The following ATR variants were observed in gnomAD, a reference collection of about 807,000 sequenced individuals.
ATR encodes ATR checkpoint kinase, also known as serine/threonine-protein kinase ATR.
Under a neutral mutation model 305.3 loss-of-function variants are expected in ATR, and 142 were observed. The observed-to-expected ratio is 0.47, with a 90% CI of 0.41 to 0.53. The LOEUF (loss-of-function observed/expected upper bound fraction) is 0.53, where lower values mean the gene tolerates loss of function less well. ATR is among the 20% of genes least tolerant of loss of function. The probability of loss-of-function intolerance (pLI) is 0.00; values close to 1 mark genes in which losing one functional copy is unlikely to be tolerated. For synonymous variants in ATR, 1,050 were observed against 1,068.1 expected (o/e 0.98, Z 0.33); for missense variants, 2,135 against 3,133.1 (o/e 0.68, Z 7.60).
chr3:142,475,098 T>C (rs546659294), intron 36 of ATR, among the ~76,000 whole-genome samples: 2 of 152,194 alleles, frequency 1.3e-5, no homozygotes, highest in East Asian at 3.8e-4. Flanking sequence ...ATGTTTTATA[T>C]ATATATGTTT....
chr3:142,547,935 A>T, intron 15 of ATR, 25 bp from the exon 16 acceptor site: 2 of 1,611,076 alleles, frequency 1.2e-6, no homozygotes, highest in South Asian at 2.2e-5. Flanking sequence ...TGTTAAAAAA[A>T]ATTTTTTTCT....
At chr3:142,503,507 G>T in intron 29 of ATR, 54 bp from the exon 30 acceptor site, 1 of 1,188,550 alleles carries the variant, frequency 8.4e-7, no homozygotes, top group Non-Finnish European at 1.2e-6. Flanking sequence ...AATAGCTTGG[G>T]GACCAAAAAC....
intron 43 of ATR, 45 bp downstream of exon 43, chr3:142,459,182 A>C (rs1315459665): frequency 6.2e-7 from 1 of 1,612,656 alleles, no homozygotes; most frequent in Non-Finnish European, 8.5e-7. Flanking sequence ...AATATTAAAA[A>C]TAAACATTCA....
intron 36 of ATR, among the ~76,000 whole-genome samples, chr3:142,478,435 T>C (rs965745759): frequency 5.9e-5 from 9 of 152,252 alleles, no homozygotes; most frequent in African/African-American, 2.2e-4. Context: ...TCTAGTTTGA[T>C]TGCACTGTGG....
chr3:142,527,415 T>A (rs2033441454), intron 21 of ATR, among the ~76,000 whole-genome samples: 1 of 152,144 alleles, frequency 6.6e-6, no homozygotes, highest in African/African-American at 2.4e-5. Flanking sequence ...CTTTTAAGCT[T>A]TCTATTTCAG....
At chr3:142,565,734 A>T (rs1456325138) in intron 3 of ATR, among the ~76,000 whole-genome samples, 9 of 42,256 alleles carry the variant, frequency 2.1e-4, no homozygotes, top group East Asian at 6.2e-4. Context: ...TGTCTTATTT[A>T]AAAAAAAAAA....
intron 35 of ATR, among the ~76,000 whole-genome samples, chr3:142,489,069 C>T (rs2108318553): frequency 6.6e-6 from 1 of 152,230 alleles, no homozygotes; most frequent in East Asian, 1.9e-4. Context: ...TACATGGTGG[C>T]TCACAACTAT....
At chr3:142,513,472 C>T (rs757325510) in intron 26 of ATR, 29 bp downstream of exon 26, 4 of 1,611,564 alleles carry the variant, frequency 2.5e-6, no homozygotes, top group South Asian at 1.1e-5. Flanking sequence ...TTCACATGTT[C>T]AAAAACCAAG....
At chr3:142,497,573 T>TAATAAATAAATAAATAAATAAATA (rs35792072) in intron 32 of ATR, among the ~76,000 whole-genome samples, 5 of 148,948 alleles carry the variant, frequency 3.4e-5, no homozygotes, top group African/African-American at 1.2e-4. Context: ...TCCCTTAAAA[T>TAATAAATAAATAAATAAATAAATA]AATAAATAAA....
At chr3:142,482,835 A>C (rs1351696656) in intron 36 of ATR, among the ~76,000 whole-genome samples, 1 of 142,904 alleles carries the variant, frequency 7.0e-6, no homozygotes, top group Admixed American at 7.0e-5. Flanking sequence ...TTGTCAATTA[A>C]AAAAAAAAAA....
chr3:142,566,308 T>C (rs1398667196), intron 2 of ATR, 47 bp from the exon 3 acceptor site: 1 of 1,596,262 alleles, frequency 6.3e-7, no homozygotes, highest in African/African-American at 1.3e-5. Context: ...AATTAAACAA[T>C]GGTCCTTTTG....
rs1455123206 is a variant in ATR, at chr3:142,550,282, G to A, written c.2826C>T (p.His942=). The change falls in exon 14 of 47, where the codon CAC becomes CAT. Residue 942 remains histidine (H), a synonymous_variant. Coordinates refer to ENST00000350721, the MANE Select transcript of ATR (RefSeq NM_001184.4). ...PICQFLVESL[H]SSQMTALPNT... is the part of the protein sequence containing the mutation. ...TCGGAAGTGCTGTCATCTGACTAGAGTGAAGGGATTCTACCAAAAACTAGA... is the reference window on the plus strand; with the variant it reads ...TCGGAAGTGCTGTCATCTGACTAGAATGAAGGGATTCTACCAAAAACTAGA... The A allele has an allele frequency of 1.2e-6, 2 of 1,614,148 alleles. No individual in the cohort carries two copies. The highest frequency in any genetic ancestry group is 1.1e-5 in the South Asian group (1 of 91,084).
At chr3:142,516,098 T>C (rs1175503311) in intron 24 of ATR, among the ~76,000 whole-genome samples, 3 of 152,184 alleles carry the variant, frequency 2.0e-5, no homozygotes, top group Non-Finnish European at 4.4e-5. Context: ...ATTTCCAGTT[T>C]TTTCACCCAG....
intron 36 of ATR, among the ~76,000 whole-genome samples, chr3:142,484,463 T>C (rs1484703559): frequency 6.6e-6 from 1 of 152,078 alleles, no homozygotes; most frequent in Non-Finnish European, 1.5e-5. Context: ...GCACAGCCCA[T>C]CTCCATGGAG....
chr3:142,541,080 G>A (rs1042636175), intron 17 of ATR, 46 bp from the exon 18 acceptor site: 3 of 1,607,790 alleles, frequency 1.9e-6, no homozygotes, highest in Non-Finnish European at 2.6e-6. Context: ...TAAACATGCT[G>A]CCAGAAGCAG....
At chr3:142,475,219 G>C (rs2071405402) in intron 36 of ATR, among the ~76,000 whole-genome samples, 1 of 152,078 alleles carries the variant, frequency 6.6e-6, no homozygotes, top group African/African-American at 2.4e-5. Context: ...TTTAACATTA[G>C]GTATATCTCC....
intron 26 of ATR, 32 bp from the exon 27 acceptor site, chr3:142,512,502 T>TTATTAATTATATAA: frequency 6.7e-7 from 1 of 1,484,796 alleles, no homozygotes; most frequent in Non-Finnish European, 9.2e-7. Context: ...AATAATAATA[T>TTATTAATTATATAA]CTATATAATA....
intron 33 of ATR, among the ~76,000 whole-genome samples, chr3:142,496,777 AG>A (rs922251028): frequency 2.6e-5 from 4 of 152,174 alleles, no homozygotes; most frequent in African/African-American, 9.7e-5. Context: ...GATTTTTATC[AG>A]TAAAAAACAT....
chr3:142,469,637 C>T (rs2071212868), intron 37 of ATR, 68 bp from the exon 38 acceptor site: 2 of 1,392,462 alleles, frequency 1.4e-6, no homozygotes, highest in Middle Eastern at 2.1e-4. Context: ...GTTCATTTCA[C>T]AGAAGAAAAA....
Sources: allele counts gnomAD v4.1 joint callset (sites outside exome capture counted in the v4.1 genomes callset), GRCh38; gene constraint gnomAD v4.1.1; transcripts MANE v1.5; gene names NCBI Gene and HGNC (gene_info 2026-07-23, HGNC 2026-07-21).